Variants in PLCXD3 observed in about 807,000 individuals in gnomAD.
PLCXD3 encodes the protein phosphatidylinositol specific phospholipase C X domain containing 3, also known as PI-PLC X domain-containing protein 3.
A neutral mutation model predicts 25.5 loss-of-function variants in PLCXD3; 19 were observed. The ratio of observed to expected loss-of-function variants is 0.75; its 90% CI spans 0.52 to 1.09. PLCXD3 has a LOEUF of 1.09. Among genes scored for constraint, PLCXD3 ranks in the 50% least tolerant of loss-of-function variants. The pLI is 0.00. For synonymous variants in PLCXD3, 174 were observed against 137.6 expected (o/e 1.26, Z -1.85); for missense variants, 411 against 388.1 (o/e 1.06, Z -0.50).
chr5:41,492,415 G>A (rs1425830085), intron 1 of PLCXD3, among the ~76,000 whole-genome samples: 1 of 151,900 alleles, frequency 6.6e-6, no homozygotes, highest in Non-Finnish European at 1.5e-5. Context: ...TATGTGTCTT[G>A]GAGTTGCTCT....
At chr5:41,403,081 T>A (rs1746234342) in intron 1 of PLCXD3, among the ~76,000 whole-genome samples, 1 of 152,038 alleles carries the variant, frequency 6.6e-6, no homozygotes, top group Admixed American at 6.6e-5. Flanking sequence ...TCTCTTTTTC[T>A]TCCTTCTTTG....
intron 1 of PLCXD3, among the ~76,000 whole-genome samples, chr5:41,466,990 C>T (rs1748030837): frequency 6.6e-6 from 1 of 152,082 alleles, no homozygotes; most frequent in Non-Finnish European, 1.5e-5. Context: ...TATATCTTCG[C>T]TATTGTGAAT....
chr5:41,349,945 T>C (rs895389103), intron 2 of PLCXD3, among the ~76,000 whole-genome samples: 27 of 151,778 alleles, frequency 1.8e-4, no homozygotes, highest in Non-Finnish European at 2.9e-4. Context: ...TTTTTGGTAG[T>C]GCTTTGCAAC....
intron 1 of PLCXD3, among the ~76,000 whole-genome samples, chr5:41,505,196 C>T (rs1300579622): frequency 7.9e-5 from 12 of 151,844 alleles, no homozygotes; most frequent in Non-Finnish European, 1.8e-4. Flanking sequence ...TCCATTTAAG[C>T]AATTGGAGAG....
intron 1 of PLCXD3, among the ~76,000 whole-genome samples, chr5:41,481,001 G>C (rs1005020546): frequency 6.7e-6 from 1 of 149,854 alleles, no homozygotes; most frequent in African/African-American, 2.5e-5. Flanking sequence ...TCTGAAAGGG[G>C]TCAAATTAGT....
intron 1 of PLCXD3, among the ~76,000 whole-genome samples, chr5:41,481,866 G>A (rs779658968): frequency 8.5e-4 from 130 of 152,224 alleles, no homozygotes; most frequent in Admixed American, 1.7e-3. Flanking sequence ...CGTGAATTAG[G>A]TCAGGCCTTC....
intron 2 of PLCXD3, among the ~76,000 whole-genome samples, chr5:41,367,534 A>G (rs1253348225): frequency 1.3e-5 from 2 of 151,932 alleles, no homozygotes; most frequent in African/African-American, 4.8e-5. Context: ...TAGATACTGG[A>G]TATTAGACCT....
At chr5:41,457,416 A>G (rs1044723726) in intron 1 of PLCXD3, among the ~76,000 whole-genome samples, 6 of 151,944 alleles carry the variant, frequency 3.9e-5, no homozygotes, top group South Asian at 2.1e-4. Flanking sequence ...TAGAGATGGC[A>G]TGTCACTGAA....
At chr5:41,383,993 GA>G (rs1424108079) in intron 1 of PLCXD3, among the ~76,000 whole-genome samples, 1 of 151,920 alleles carries the variant, frequency 6.6e-6, no homozygotes, top group Non-Finnish European at 1.5e-5. Flanking sequence ...CTAAATTTCA[GA>G]CACTGTGGTA....
At chr5:41,325,837 G>A (rs1743609931) in intron 2 of PLCXD3, among the ~76,000 whole-genome samples, 1 of 152,190 alleles carries the variant, frequency 6.6e-6, no homozygotes, top group East Asian at 1.9e-4. Flanking sequence ...ATTTCTCAAA[G>A]TTTTGGAGAC....
At chr5:41,411,323 C>T (rs1400379901) in intron 1 of PLCXD3, among the ~76,000 whole-genome samples, 1 of 152,090 alleles carries the variant, frequency 6.6e-6, no homozygotes, top group African/African-American at 2.4e-5. Flanking sequence ...CCTTGAAATA[C>T]CAGCCTTTGA....
At chr5:41,462,407 G>A (rs1747908358) in intron 1 of PLCXD3, among the ~76,000 whole-genome samples, 1 of 152,008 alleles carries the variant, frequency 6.6e-6, no homozygotes, top group African/African-American at 2.4e-5. Flanking sequence ...TGGCATTTGG[G>A]TAGTCCTGGA....
intron 2 of PLCXD3, among the ~76,000 whole-genome samples, chr5:41,364,670 A>C (rs1580326478): frequency 1.3e-5 from 2 of 152,182 alleles, no homozygotes. Context: ...AGTTGCTATA[A>C]AATTGTCCTT....
At chr5:41,468,640 A>G (rs899400706) in intron 1 of PLCXD3, among the ~76,000 whole-genome samples, 7 of 152,190 alleles carry the variant, frequency 4.6e-5, no homozygotes, top group African/African-American at 1.7e-4. Flanking sequence ...TTGCTATTGT[A>G]AATGGGATTA....
At chr5:41,509,798 T>C (rs1016732032) in intron 1 of PLCXD3, among the ~76,000 whole-genome samples, 2 of 152,044 alleles carry the variant, frequency 1.3e-5, no homozygotes, top group African/African-American at 4.8e-5. Context: ...TCCCCCGGGG[T>C]CCAAACCGAT....
chr5:41,381,805 T>C, intron 2 of PLCXD3, 21 bp downstream of exon 2: 1 of 1,485,800 alleles, frequency 6.7e-7, no homozygotes, highest in Non-Finnish European at 9.2e-7. Context: ...GGTTTCCCCC[T>C]GACATTTTAA....
intron 1 of PLCXD3, among the ~76,000 whole-genome samples, chr5:41,445,287 T>G (rs1421801056): frequency 6.6e-6 from 1 of 152,238 alleles, no homozygotes; most frequent in Non-Finnish European, 1.5e-5. Context: ...TTATGTCCAG[T>G]GCTCAGGTTC....
intron 1 of PLCXD3, among the ~76,000 whole-genome samples, chr5:41,487,565 G>T (rs971653146): frequency 6.6e-6 from 1 of 152,192 alleles, no homozygotes; most frequent in Non-Finnish European, 1.5e-5. Context: ...AAATAAAGTA[G>T]TTATTCATAA....
chr5:41,487,687 G>A (rs908047478), intron 1 of PLCXD3, among the ~76,000 whole-genome samples: 3 of 152,194 alleles, frequency 2.0e-5, no homozygotes, highest in African/African-American at 7.2e-5. Flanking sequence ...TCCTCAGGAG[G>A]TGTCACACCG....
Sources: gnomAD v4.1 joint callset for allele counts (sites outside exome capture counted in the v4.1 genomes callset) on GRCh38, gnomAD v4.1.1 for gene constraint, MANE v1.5 for transcripts, NCBI Gene and HGNC (gene_info 2026-07-23, HGNC 2026-07-21) for gene names.